Variants in DLG2 observed in about 807,000 individuals in gnomAD.
DLG2 encodes the protein discs large MAGUK scaffold protein 2, also known as disks large homolog 2.
Under a neutral mutation model 132.5 loss-of-function variants are expected in DLG2, and 45 were observed. The ratio of observed to expected loss-of-function variants is 0.34; its 90% CI spans 0.27 to 0.44. DLG2 has a LOEUF of 0.44. Ranked by LOEUF, DLG2 falls within the 20% of genes least tolerant of loss-of-function variation. DLG2 has a pLI of 1.00. For synonymous variants in DLG2, 424 were observed against 419.6 expected, an observed-to-expected ratio of 1.01 and a Z score of -0.13; for missense variants, 1,045 against 1,196.9, an observed-to-expected ratio of 0.87 and a Z score of 1.87.
chr11:83,908,668 G>T (rs918555279), intron 15 of DLG2, among the ~76,000 whole-genome samples: 3 of 152,148 alleles, frequency 2.0e-5, no homozygotes, highest in African/African-American at 7.2e-5. Context: ...GTAAGTATTT[G>T]TTGAATTAAA....
intron 7 of DLG2, among the ~76,000 whole-genome samples, chr11:84,529,565 A>G (rs902080848): frequency 6.6e-6 from 1 of 152,204 alleles, no homozygotes; most frequent in African/African-American, 2.4e-5. Context: ...AGAATAAAAT[A>G]CCTATGAATA....
intron 6 of DLG2, among the ~76,000 whole-genome samples, chr11:84,991,549 AAAAT>A (rs1229502055): frequency 6.6e-6 from 1 of 151,810 alleles, no homozygotes; most frequent in African/African-American, 2.4e-5. Flanking sequence ...GGAAGAAAGA[AAAAT>A]AAAGAAAAGG....
intron 10 of DLG2, 99 bp from the exon 11 acceptor site, chr11:84,059,583 G>T (rs116919364): frequency 0.017 from 16,012 of 969,996 alleles, 163 homozygotes; most frequent in Middle Eastern, 0.048. Context: ...GGAAAGTAAA[G>T]AATCTAAAAA....
At chr11:84,437,591 A>T (rs1044065560) in intron 7 of DLG2, 1 of 151,842 alleles carries the variant, frequency 6.6e-6, no homozygotes, top group Non-Finnish European at 1.5e-5. Flanking sequence ...AGTTCCTCTC[A>T]TGCTGGTTAG....
At chr11:84,864,169 C>T (rs1393026278) in intron 6 of DLG2, among the ~76,000 whole-genome samples, 2 of 152,168 alleles carry the variant, frequency 1.3e-5, no homozygotes, top group African/African-American at 4.8e-5. Flanking sequence ...TTTATGTACA[C>T]AGTACGTTAA....
Position 85,249,860 on chromosome 11 carries a change from C to T in DLG2, c.186+35360G>A, listed in dbSNP as rs1403407595. Among the ~76,000 whole-genome samples the T allele has an allele frequency of 2.6e-5, 4 of 152,082 alleles. No homozygotes were observed. The East Asian group carries it at 5.8e-4, about 22-fold the overall frequency. On this transcript the variant is annotated intron_variant, in intron 4 of 27. Transcript: ENST00000376104. ...TTGTAGTGGGACTTCATTCCTGAAG[C>T]AACTAAGAACCTCTTTTATTTCGGG...
intron 5 of DLG2, among the ~76,000 whole-genome samples, chr11:85,116,528 G>A (rs989602216): frequency 2.6e-5 from 4 of 151,764 alleles, no homozygotes; most frequent in African/African-American, 9.7e-5. Context: ...GTGTATACAG[G>A]TGTGTATTAA....
intron 6 of DLG2, among the ~76,000 whole-genome samples, chr11:85,072,825 G>C (rs1301137783): frequency 6.6e-6 from 1 of 151,744 alleles, no homozygotes; most frequent in Non-Finnish European, 1.5e-5. Context: ...TACAAATCTG[G>C]CTATGAAAAT....
intron 6 of DLG2, among the ~76,000 whole-genome samples, chr11:84,648,042 T>C (rs1249572393): frequency 6.6e-6 from 1 of 152,140 alleles, no homozygotes; most frequent in Non-Finnish European, 1.5e-5. Context: ...CTAGAAACCT[T>C]AGGTAACTTA....
intron 6 of DLG2, among the ~76,000 whole-genome samples, chr11:84,810,993 G>C (rs2076491819): frequency 6.6e-6 from 1 of 152,102 alleles, no homozygotes; most frequent in African/African-American, 2.4e-5. Flanking sequence ...GATAAAGAAA[G>C]TTATCTTCAT....
At chr11:84,355,561 C>T (rs897987725) in intron 7 of DLG2, among the ~76,000 whole-genome samples, 2 of 152,024 alleles carry the variant, frequency 1.3e-5, no homozygotes, top group African/African-American at 4.8e-5. Flanking sequence ...GCCTCCAGAA[C>T]TGTGAGAGAT....
intron 7 of DLG2, among the ~76,000 whole-genome samples, chr11:84,308,718 G>A (rs1378498211): frequency 3.3e-5 from 5 of 152,284 alleles, no homozygotes; most frequent in African/African-American, 7.2e-5. Context: ...GAAATCGAGC[G>A]CAGCGCCGGT....
intron 6 of DLG2, among the ~76,000 whole-genome samples, chr11:84,837,427 T>A (rs2079969984): frequency 6.6e-6 from 1 of 151,724 alleles, no homozygotes; most frequent in South Asian, 2.1e-4. Flanking sequence ...GCAAGGTGGA[T>A]AACCTAAAAT....
chr11:84,938,928 C>A (rs1254737997), intron 6 of DLG2, among the ~76,000 whole-genome samples: 1 of 151,962 alleles, frequency 6.6e-6, no homozygotes, highest in Non-Finnish European at 1.5e-5. Context: ...TTGAAGTACT[C>A]CCAAAATAAA....
At chr11:84,719,686 A>T (rs1261639375) in intron 6 of DLG2, among the ~76,000 whole-genome samples, 1 of 152,216 alleles carries the variant, frequency 6.6e-6, no homozygotes, top group African/African-American at 2.4e-5. Context: ...GGGGTGGGAC[A>T]GTTATTTACT....
intron 13 of DLG2, 98 bp from the exon 14 acceptor site, chr11:83,963,121 T>C: frequency 5.9e-6 from 8 of 1,360,808 alleles, no homozygotes; most frequent in Non-Finnish European, 7.2e-6. Flanking sequence ...CAGAAAGGCT[T>C]TGCTGCATGC....
chr11:85,494,418 T>C (rs1156358596), intron 3 of DLG2, among the ~76,000 whole-genome samples: 2 of 152,180 alleles, frequency 1.3e-5, no homozygotes, highest in African/African-American at 4.8e-5. Flanking sequence ...TCTTGGTTGA[T>C]GTGGTAACTG....
intron 7 of DLG2, among the ~76,000 whole-genome samples, chr11:84,336,950 C>G (rs1164004758): frequency 6.6e-6 from 1 of 152,220 alleles, no homozygotes; most frequent in Non-Finnish European, 1.5e-5. Context: ...CTCCTATATA[C>G]ACACTACACA....
intron 6 of DLG2, among the ~76,000 whole-genome samples, chr11:84,940,784 A>T (rs1257386544): frequency 2.6e-5 from 4 of 152,138 alleles, no homozygotes; most frequent in East Asian, 3.9e-4. Flanking sequence ...TTGAGATATT[A>T]CTCAAAAAAT....
Sources: allele counts gnomAD v4.1 joint callset (sites outside exome capture counted in the v4.1 genomes callset), GRCh38; gene constraint gnomAD v4.1.1; transcripts MANE v1.5; gene names NCBI Gene and HGNC (gene_info 2026-07-23, HGNC 2026-07-21).